Variants in PCDH7 observed in about 807,000 individuals in gnomAD.
PCDH7 encodes the protein protocadherin-7.
In PCDH7, 17 loss-of-function variants were observed where a neutral mutation model predicts 58.9. The observed-to-expected ratio is 0.29, with a 90% CI of 0.20 to 0.43. PCDH7 has a LOEUF of 0.43. PCDH7 is among the 20% of genes least tolerant of loss of function. PCDH7 has a pLI of 1.00. For synonymous variants in PCDH7, 664 were observed against 616.4 expected (o/e 1.08, Z -1.14); for missense variants, 1,274 against 1,441.0 (o/e 0.88, Z 1.88).
chr4:31,099,881 C>T (rs760140450), intron 3 of PCDH7, among the ~76,000 whole-genome samples: 26 of 152,002 alleles, frequency 1.7e-4, no homozygotes, highest in Non-Finnish European at 3.5e-4. Flanking sequence ...TTGCATATAC[C>T]TGCCCCTTCT....
intron 2 of PCDH7, among the ~76,000 whole-genome samples, chr4:30,948,196 G>A (rs1261221668): frequency 6.6e-6 from 1 of 150,982 alleles, no homozygotes; most frequent in Non-Finnish European, 1.5e-5. Context: ...CCAGTGCACT[G>A]CTAATTCATT....
chr4:31,096,310 C>G (rs1434074565), intron 3 of PCDH7, among the ~76,000 whole-genome samples: 1 of 152,002 alleles, frequency 6.6e-6, no homozygotes, highest in African/African-American at 2.4e-5. Context: ...TGAGTCACCT[C>G]TTTAATATAG....
At chr4:30,872,055 T>C (rs1159565831) in intron 1 of PCDH7, among the ~76,000 whole-genome samples, 1 of 152,106 alleles carries the variant, frequency 6.6e-6, no homozygotes, top group Non-Finnish European at 1.5e-5. Flanking sequence ...TCAAATGAGG[T>C]CACATTTATA....
At chr4:30,827,847 T>A (rs189459595) in intron 1 of PCDH7, among the ~76,000 whole-genome samples, 3 of 152,256 alleles carry the variant, frequency 2.0e-5, no homozygotes, top group Non-Finnish European at 1.5e-5. Flanking sequence ...GATCAAGTTG[T>A]TGAAGGAGCA....
intron 2 of PCDH7, among the ~76,000 whole-genome samples, chr4:30,949,149 C>G (rs1380041599): frequency 6.6e-6 from 1 of 152,112 alleles, no homozygotes; most frequent in Non-Finnish European, 1.5e-5. Context: ...TAATTCTCTC[C>G]TATATTTCAT....
At chr4:30,802,556 G>A (rs937355495) in intron 1 of PCDH7, among the ~76,000 whole-genome samples, 2 of 152,010 alleles carry the variant, frequency 1.3e-5, no homozygotes, top group African/African-American at 2.4e-5. Context: ...ATGGACAAAA[G>A]AATAAGGATT....
chr4:30,974,101 G>A (rs946584610), intron 3 of PCDH7, among the ~76,000 whole-genome samples: 2 of 151,482 alleles, frequency 1.3e-5, no homozygotes, highest in Admixed American at 1.3e-4. Context: ...TGCCAGTTAT[G>A]AATTCAGTTG....
intron 3 of PCDH7, among the ~76,000 whole-genome samples, chr4:31,065,494 A>G (rs1460447201): frequency 6.6e-6 from 1 of 152,010 alleles, no homozygotes; most frequent in African/African-American, 2.4e-5. Flanking sequence ...GGTAAAATTA[A>G]TGCTTCTCCA....
chr4:31,072,414 A>T (rs964451085), intron 3 of PCDH7, among the ~76,000 whole-genome samples: 4 of 152,120 alleles, frequency 2.6e-5, no homozygotes, highest in African/African-American at 4.8e-5. Flanking sequence ...ATTATGCTTT[A>T]ATATAAGCAA....
downstream of PCDH7, chr4:31,146,418 C>G (rs1720676756): frequency 6.6e-6 from 1 of 151,786 alleles, no homozygotes; most frequent in African/African-American, 2.4e-5. Context: ...TATAGTAAAT[C>G]TTGTGAGTTG....
intron 1 of PCDH7, among the ~76,000 whole-genome samples, chr4:30,881,590 G>C (rs952293487): frequency 6.6e-6 from 1 of 152,126 alleles, no homozygotes; most frequent in Non-Finnish European, 1.5e-5. Context: ...TTTGACTGCA[G>C]TTAGGTCTCT....
chr4:30,850,624 G>A (rs1732608979), intron 1 of PCDH7, among the ~76,000 whole-genome samples: 2 of 152,126 alleles, frequency 1.3e-5, no homozygotes, highest in South Asian at 2.1e-4. Flanking sequence ...CTTCACAGAA[G>A]TTGTTTAACT....
At chr4:30,798,631 A>G (rs935282016) in intron 1 of PCDH7, among the ~76,000 whole-genome samples, 3 of 152,214 alleles carry the variant, frequency 2.0e-5, no homozygotes, top group African/African-American at 7.2e-5. Context: ...TAACTTTAAT[A>G]TAAATTTTTA....
intron 1 of PCDH7, among the ~76,000 whole-genome samples, chr4:30,869,605 A>G (rs574659728): frequency 9.2e-5 from 14 of 152,162 alleles, no homozygotes; most frequent in Non-Finnish European, 1.8e-4. Flanking sequence ...CCTGCAAAGG[A>G]CATGAACCCA....
At chr4:30,794,646 G>A (rs1170458080) in intron 1 of PCDH7, among the ~76,000 whole-genome samples, 1 of 151,246 alleles carries the variant, frequency 6.6e-6, no homozygotes, top group Non-Finnish European at 1.5e-5. Flanking sequence ...TCTTTTCTTT[G>A]TTGAACACAT....
intron 1 of PCDH7, among the ~76,000 whole-genome samples, chr4:30,844,366 T>A: frequency 6.6e-6 from 1 of 152,182 alleles, no homozygotes; most frequent in East Asian, 1.9e-4. Context: ...AATTTAAATT[T>A]TTTTCTTGTA....
At chr4:31,118,339 C>T (rs1372474751) in intron 3 of PCDH7, among the ~76,000 whole-genome samples, 1 of 152,120 alleles carries the variant, frequency 6.6e-6, no homozygotes, top group Admixed American at 6.6e-5. Context: ...AAATTATCTA[C>T]TAATTTTAGG....
chr4:30,778,314 C>CT (rs927041668), intron 1 of PCDH7, among the ~76,000 whole-genome samples: 12 of 151,990 alleles, frequency 7.9e-5, no homozygotes, highest in East Asian at 3.9e-4. Flanking sequence ...AGCAAATAAT[C>CT]TTTTTTTTGT....
At chr4:30,938,204 A>G (rs1290264131) in intron 2 of PCDH7, among the ~76,000 whole-genome samples, 1 of 152,096 alleles carries the variant, frequency 6.6e-6, no homozygotes, top group African/African-American at 2.4e-5. Flanking sequence ...TCAGACACAC[A>G]TTCTTTCTAA....
Sources: gnomAD v4.1 joint callset for allele counts (sites outside exome capture counted in the v4.1 genomes callset) on GRCh38, gnomAD v4.1.1 for gene constraint, MANE v1.5 for transcripts, NCBI Gene and HGNC (gene_info 2026-07-23, HGNC 2026-07-21) for gene names.